WWOX: variants seen among roughly 807,000 people sequenced by gnomAD.
WWOX encodes WW domain-containing oxidoreductase.
WWOX carries 69 observed loss-of-function variants against 46.2 expected under a neutral mutation model. That is an observed-to-expected ratio of 1.49 (90% CI 1.23 to 1.82). The LOEUF is 1.82. Among genes scored for constraint, WWOX ranks in the 40% most tolerant of loss-of-function variants. The pLI is 0.00. For synonymous variants in WWOX, 359 were observed against 202.6 expected (o/e 1.77, Z -6.56); for missense variants, 919 against 542.6 (o/e 1.69, Z -6.89).
intron 8 of WWOX, among the ~76,000 whole-genome samples, chr16:78,906,540 A>G (rs1164348676): frequency 6.6e-6 from 1 of 152,104 alleles, no homozygotes; most frequent in African/African-American, 2.4e-5. Context: ...AGGGTAGTCC[A>G]CGGCTTCCAA....
chr16:79,023,947 C>G (rs1015722883), intron 8 of WWOX, among the ~76,000 whole-genome samples: 2 of 116,186 alleles, frequency 1.7e-5, no homozygotes, highest in South Asian at 2.8e-4. Context: ...CAGCAAGACT[C>G]CATCTCAAAA....
chr16:78,260,310 C>G (rs1232965714), intron 5 of WWOX, among the ~76,000 whole-genome samples: 11 of 151,516 alleles, frequency 7.3e-5, no homozygotes, highest in Admixed American at 7.2e-4. Context: ...CAAACAAGTT[C>G]CCACAAAGAC....
intron 8 of WWOX, among the ~76,000 whole-genome samples, chr16:78,907,475 C>G (rs1006510034): frequency 2.6e-4 from 39 of 152,166 alleles, no homozygotes; most frequent in African/African-American, 8.7e-4. Flanking sequence ...CTTTTGCTAG[C>G]TTTACAAAGG....
chr16:78,919,811 G>C (rs745621707), intron 8 of WWOX, among the ~76,000 whole-genome samples: 1 of 152,090 alleles, frequency 6.6e-6, no homozygotes, highest in Non-Finnish European at 1.5e-5. Flanking sequence ...CACTGCACCT[G>C]ACTAAGTGGC....
At chr16:79,209,779 C>G (rs1228435214) in intron 8 of WWOX, among the ~76,000 whole-genome samples, 1 of 152,194 alleles carries the variant, frequency 6.6e-6, no homozygotes, top group Non-Finnish European at 1.5e-5. Flanking sequence ...CTTTTCCCCA[C>G]ATGGGATGCA....
At chr16:78,250,326 T>A (rs911803153) in intron 5 of WWOX, among the ~76,000 whole-genome samples, 1 of 152,246 alleles carries the variant, frequency 6.6e-6, no homozygotes, top group African/African-American at 2.4e-5. Context: ...ACTCTGCTCC[T>A]TTCTAGCTGT....
At chr16:78,741,850 G>A (rs993221202) in intron 8 of WWOX, among the ~76,000 whole-genome samples, 3 of 152,202 alleles carry the variant, frequency 2.0e-5, no homozygotes, top group Non-Finnish European at 2.9e-5. Flanking sequence ...GTGAGACGCT[G>A]TCTCAAATAA....
chr16:78,278,757 G>C, intron 5 of WWOX: 1 of 1,099,554 alleles, frequency 9.1e-7, no homozygotes, highest in Non-Finnish European at 1.3e-6. Flanking sequence ...CTATCTCGGT[G>C]ATCTGACAGA....
chr16:78,905,145 C>G (rs937540573), intron 8 of WWOX, among the ~76,000 whole-genome samples: 3 of 152,120 alleles, frequency 2.0e-5, no homozygotes, highest in African/African-American at 4.8e-5. Context: ...GGAACTGACC[C>G]TCTATGAGGG....
At chr16:78,938,825 A>G (rs1316913948) in intron 8 of WWOX, among the ~76,000 whole-genome samples, 2 of 152,152 alleles carry the variant, frequency 1.3e-5, no homozygotes, top group Non-Finnish European at 2.9e-5. Context: ...AGAGCAGTCT[A>G]ATTTCAGGAA....
intron 8 of WWOX, among the ~76,000 whole-genome samples, chr16:78,851,904 C>T (rs1446304299): frequency 6.6e-6 from 1 of 152,068 alleles, no homozygotes; most frequent in Non-Finnish European, 1.5e-5. Context: ...TTCATTTAAA[C>T]CCTTCATGCC....
At chr16:78,638,725 C>T (rs2046634741) in intron 8 of WWOX, among the ~76,000 whole-genome samples, 1 of 152,162 alleles carries the variant, frequency 6.6e-6, no homozygotes, top group Admixed American at 6.5e-5. Context: ...AGCATTAGAG[C>T]TTTTCTCTTC....
At chr16:78,688,990 G>A (rs2047925623) in intron 8 of WWOX, among the ~76,000 whole-genome samples, 1 of 152,124 alleles carries the variant, frequency 6.6e-6, no homozygotes, top group South Asian at 2.1e-4. Context: ...CTTCCACCAT[G>A]ATTGTAAGTT....
chr16:78,311,760 C>A (rs11646025), intron 5 of WWOX, among the ~76,000 whole-genome samples: 3 of 145,078 alleles, frequency 2.1e-5, no homozygotes, highest in Non-Finnish European at 4.5e-5. Context: ...CATTACTTAA[C>A]GTAATAATTA....
intron 8 of WWOX, among the ~76,000 whole-genome samples, chr16:78,737,606 T>C (rs2049121121): frequency 6.6e-6 from 1 of 152,148 alleles, no homozygotes; most frequent in Non-Finnish European, 1.5e-5. Context: ...TCTCCCTGAG[T>C]TCCCAAAGTC....
intron 4 of WWOX, among the ~76,000 whole-genome samples, chr16:78,149,057 T>G (rs2034307980): frequency 6.6e-6 from 1 of 152,064 alleles, no homozygotes; most frequent in South Asian, 2.1e-4. Context: ...AGTGGCAGGA[T>G]CGTAGCTCAC....
At chr16:78,824,289 T>G (rs2051587734) in intron 8 of WWOX, among the ~76,000 whole-genome samples, 1 of 152,174 alleles carries the variant, frequency 6.6e-6, no homozygotes, top group Admixed American at 6.5e-5. Context: ...AACTGACCAA[T>G]GATGATGAAA....
At chr16:78,815,093 G>C (rs1005427066) in intron 8 of WWOX, among the ~76,000 whole-genome samples, 6 of 152,214 alleles carry the variant, frequency 3.9e-5, no homozygotes, top group African/African-American at 1.4e-4. Context: ...GGGAGGCCGA[G>C]GTGGGCAGAT....
At chr16:78,953,080 T>C (rs1175674547) in intron 8 of WWOX, among the ~76,000 whole-genome samples, 2 of 151,922 alleles carry the variant, frequency 1.3e-5, no homozygotes, top group Non-Finnish European at 2.9e-5. Flanking sequence ...AATCTGACCA[T>C]ATACCAACCA....
Sources: allele counts gnomAD v4.1 joint callset (sites outside exome capture counted in the v4.1 genomes callset), GRCh38; gene constraint gnomAD v4.1.1; transcripts MANE v1.5; gene names NCBI Gene and HGNC (gene_info 2026-07-23, HGNC 2026-07-21).